The following PEX14 variants were observed in gnomAD, a reference collection of about 807,000 sequenced individuals.
PEX14 encodes the protein peroxisomal membrane protein PEX14.
Under a neutral mutation model 49.5 loss-of-function variants are expected in PEX14, and 15 were observed. That is an observed-to-expected ratio of 0.30 (90% CI 0.20 to 0.47). The LOEUF is 0.47. Among genes scored for constraint, PEX14 ranks in the 20% least tolerant of loss-of-function variants. The pLI is 1.00. For synonymous variants in PEX14, 210 were observed against 212.7 expected, an observed-to-expected ratio of 0.99 and a Z score of 0.11; for missense variants, 398 against 494.8, an observed-to-expected ratio of 0.80 and a Z score of 1.86.
At chr1:10,596,959 G>A (rs960566308) in intron 3 of PEX14, among the ~76,000 whole-genome samples, 23 of 152,208 alleles carry the variant, frequency 1.5e-4, no homozygotes, top group Admixed American at 1.3e-3. Context: ...GCTCGGCTGC[G>A]ATAATGCAAG....
chr1:10,612,602 C>A (rs1641304553), intron 4 of PEX14, among the ~76,000 whole-genome samples: 1 of 152,228 alleles, frequency 6.6e-6, no homozygotes, highest in Non-Finnish European at 1.5e-5. Context: ...TTGCTGCTCT[C>A]TGGGCCTGTC....
intron 1 of PEX14, among the ~76,000 whole-genome samples, chr1:10,489,774 C>T (rs1046768784): frequency 6.6e-6 from 1 of 152,210 alleles, no homozygotes; most frequent in Non-Finnish European, 1.5e-5. Context: ...GGGTGGCGTG[C>T]TCTGCTGGGG....
In PEX14 at chr1:10,495,115, A is replaced by G; in HGVS notation, c.37-159A>G. Reference sequence around the variant, plus strand: ...TCAGACTCTTTGGGCTACTTTTTACAGGTAGTCCACTGCAAAATACTCTTG... The same window carrying G: ...TCAGACTCTTTGGGCTACTTTTTACGGGTAGTCCACTGCAAAATACTCTTG... On this transcript the variant is annotated intron_variant, in intron 1 of 8. Coordinates refer to ENST00000356607, the MANE Select transcript of PEX14 (RefSeq NM_004565.3). This position sits in a 1 kb window ranked among gnomAD's most constrained non-coding sequence, Gnocchi z 4.2. The G allele has an allele frequency of 1.0e-6, 1 of 984,808 alleles. No individual in the cohort carries two copies. Among genetic ancestry groups the G allele is most frequent in the Non-Finnish European group, 1.2e-6 (1 of 829,368 alleles). The allele number at this position is 984,808 out of a possible 1,614,324, so 61.0% of individuals were successfully genotyped here. A position where few individuals can be genotyped will look rare whatever the true frequency, so the allele number is the denominator to read the frequency against.
chr1:10,498,052 G>A lies in PEX14; in HGVS notation c.84+2731G>A, dbSNP rs565893236. Among the ~76,000 whole-genome samples the A allele has an allele frequency of 5.9e-5, 9 of 152,314 alleles. No homozygotes were observed. The East Asian group carries it at 1.2e-3, about 20-fold the overall frequency. On this transcript the variant is annotated intron_variant, in intron 2 of 8. Coordinates refer to ENST00000356607, the MANE Select transcript of PEX14 (RefSeq NM_004565.3). ...CCCAGCACTTTGGGAGGCCAAGGTC[G>A]GGGGATCACTTGAGGCCAGGAGTTT...
At chr1:10,576,826 A>G (rs1020723009) in intron 3 of PEX14, among the ~76,000 whole-genome samples, 3 of 150,330 alleles carry the variant, frequency 2.0e-5, no homozygotes, top group Non-Finnish European at 4.4e-5. Flanking sequence ...GCGCGATCTC[A>G]GCACACTGCA....
At chr1:10,567,378 A>G (rs1346080281) in intron 3 of PEX14, among the ~76,000 whole-genome samples, 3 of 152,092 alleles carry the variant, frequency 2.0e-5, no homozygotes, top group East Asian at 1.9e-4. Context: ...ACTATCTTAC[A>G]TGTTTTATTA....
At chr1:10,568,323 T>TCCCCCCCCC (rs58295618) in intron 3 of PEX14, among the ~76,000 whole-genome samples, 4 of 118,716 alleles carry the variant, frequency 3.4e-5, no homozygotes, top group African/African-American at 7.6e-5. Context: ...TAGATACTCT[T>TCCCCCCCCC]CCCCCCCCCC....
intron 5 of PEX14, among the ~76,000 whole-genome samples, chr1:10,619,175 A>G (rs1331628465): frequency 1.3e-5 from 2 of 152,132 alleles, no homozygotes; most frequent in Admixed American, 1.3e-4. Context: ...TCCCTTGTGA[A>G]GGCCCAACTT....
rs34964492 is a variant in PEX14 at position 10,560,718 on chromosome 1, C to CTTTTTTTTTTT, written c.169+24428_169+24438dup. ...TTCTTAGTTGTTAACATTTTGCCAC[C>CTTTTTTTTTTT]TTTTTTTTTTTTTTTTTGAGACGGA... is the stretch of plus-strand genomic sequence containing the variant. On this transcript the variant is annotated intron_variant, in intron 3 of 8. Transcript: ENST00000356607. Among the ~76,000 whole-genome samples, 3 of 129,092 alleles carry CTTTTTTTTTTT rather than the reference C, an allele frequency of 2.3e-5. 1 individual carries two copies. Among genetic ancestry groups the CTTTTTTTTTTT allele is most frequent in the Non-Finnish European group, 4.8e-5 (3 of 62,638 alleles). 84.7% of individuals were successfully genotyped at this position (129,092 alleles called of 152,430 possible).
chr1:10,502,856 G>A (rs1641706193), intron 2 of PEX14, among the ~76,000 whole-genome samples: 1 of 150,128 alleles, frequency 6.7e-6, no homozygotes, highest in African/African-American at 2.5e-5. Flanking sequence ...GAGTGCAGTG[G>A]CACAATCATG....
At chr1:10,483,034 C>T (rs1641309427) in intron 1 of PEX14, among the ~76,000 whole-genome samples, 1 of 152,202 alleles carries the variant, frequency 6.6e-6, no homozygotes, top group Admixed American at 6.6e-5. Flanking sequence ...TGTATCATAT[C>T]TGGAGGAACG....
At chr1:10,542,698 T>C (rs934225811) in intron 3 of PEX14, among the ~76,000 whole-genome samples, 1 of 151,874 alleles carries the variant, frequency 6.6e-6, no homozygotes, top group East Asian at 1.9e-4. Context: ...GAGACAAAGG[T>C]TGCAGTGAGC....
intron 2 of PEX14, among the ~76,000 whole-genome samples, chr1:10,518,735 G>A (rs1028863742): frequency 6.6e-6 from 1 of 152,154 alleles, no homozygotes; most frequent in Non-Finnish European, 1.5e-5. Context: ...TCCTTCAGTT[G>A]CCTGCATGGT....
rs571481825 is a variant in PEX14, at chr1:10,614,928, G to A, written c.299-3404G>A. On this transcript the variant is annotated intron_variant, in intron 4 of 8. Coordinates refer to ENST00000356607, the MANE Select transcript of PEX14 (RefSeq NM_004565.3). The stretch of plus-strand genomic sequence containing the variant: ...AAAGCTGGCTAGAAGAGGGGAGACA[G>A]AAGAGACACCTGACCAGGACTCCAA... 1.5e-4 allele frequency among the ~76,000 whole-genome samples: 23 copies of A among 152,348 alleles called. No individual in the cohort carries two copies. In the South Asian group the frequency reaches 4.8e-3, roughly 32 times the overall value.
chr1:10,509,014 G>A (rs1641838612), intron 2 of PEX14, among the ~76,000 whole-genome samples: 1 of 151,642 alleles, frequency 6.6e-6, no homozygotes, highest in Admixed American at 6.6e-5. Flanking sequence ...TCGGCTCACT[G>A]CAAACACCGC....
chr1:10,475,518 CCT>C (rs1337124043), intron 1 of PEX14, among the ~76,000 whole-genome samples: 1 of 152,188 alleles, frequency 6.6e-6, no homozygotes, highest in Non-Finnish European at 1.5e-5. Flanking sequence ...CTAGTCGAGC[CCT>C]CTCAGTGCGT....
At chr1:10,603,779 G>A (rs1365400556) in intron 4 of PEX14, among the ~76,000 whole-genome samples, 1 of 152,174 alleles carries the variant, frequency 6.6e-6, no homozygotes, top group Non-Finnish European at 1.5e-5. Context: ...TGTAAATTTT[G>A]TAGGATAATA....
At chr1:10,497,484 G>T (rs1641590603) in intron 2 of PEX14, among the ~76,000 whole-genome samples, 1 of 152,204 alleles carries the variant, frequency 6.6e-6, no homozygotes, top group East Asian at 1.9e-4. Flanking sequence ...AGACAATTGA[G>T]GAATAAAACT....
At chr1:10,530,119 G>A (rs749828090) in intron 2 of PEX14, among the ~76,000 whole-genome samples, 3 of 152,052 alleles carry the variant, frequency 2.0e-5, no homozygotes, top group Non-Finnish European at 4.4e-5. Context: ...ACATACCTTT[G>A]TGTGTGCGTT....
Sources: gnomAD v4.1 joint callset for allele counts (sites outside exome capture counted in the v4.1 genomes callset) on GRCh38, gnomAD v4.1.1 for gene constraint, Gnocchi (gnomAD v3.1) non-coding constraint, MANE v1.5 for transcripts, NCBI Gene and HGNC (gene_info 2026-07-23, HGNC 2026-07-21) for gene names.